Variants in CHODL observed in about 807,000 individuals in gnomAD.
The protein encoded by CHODL is transmembrane protein MT75.
In CHODL, 29 loss-of-function variants were observed where a neutral mutation model predicts 34.5. The observed-to-expected ratio is 0.84, with a 90% CI of 0.63 to 1.15. The LOEUF (loss-of-function observed/expected upper bound fraction) is 1.15. Ranked by LOEUF, CHODL falls within the 50% of genes most tolerant of loss-of-function variation. The probability of loss-of-function intolerance (pLI) is 0.00; values close to 1 mark genes in which losing one functional copy is unlikely to be tolerated. For synonymous variants in CHODL, 125 were observed against 116.1 expected (o/e 1.08, Z -0.49); for missense variants, 332 against 332.5 (o/e 1.00, Z 0.01).
At chr21:18,090,616 A>G (rs970303830) in intron 2 of CHODL, among the ~76,000 whole-genome samples, 29 of 152,022 alleles carry the variant, frequency 1.9e-4, no homozygotes, top group African/African-American at 6.8e-4. Context: ...AAAGTGGAGG[A>G]AGTCTGCCAC....
At chr21:18,090,925 A>G (rs1017855197) in intron 2 of CHODL, among the ~76,000 whole-genome samples, 2 of 152,176 alleles carry the variant, frequency 1.3e-5, no homozygotes, top group Non-Finnish European at 2.9e-5. Context: ...TTTTAACTTC[A>G]TATCATTAAA....
chr21:18,103,280 A>G (rs1311503163), intron 2 of CHODL, among the ~76,000 whole-genome samples: 3 of 152,158 alleles, frequency 2.0e-5, no homozygotes, highest in Non-Finnish European at 4.4e-5. Flanking sequence ...TTTGTCATTT[A>G]AAAAATAGTT....
chr21:18,135,181 A>G (rs2072706409), intron 2 of CHODL, among the ~76,000 whole-genome samples: 1 of 152,170 alleles, frequency 6.6e-6, no homozygotes, highest in Non-Finnish European at 1.5e-5. Flanking sequence ...ATTATTATAT[A>G]CGAGGAAAAT....
intron 2 of CHODL, among the ~76,000 whole-genome samples, chr21:18,110,148 A>G (rs191097931): frequency 6.3e-4 from 96 of 152,292 alleles, no homozygotes; most frequent in African/African-American, 1.7e-3. Flanking sequence ...ACTAGCTACA[A>G]ACATATTTAC....
chr21:18,104,082 T>C (rs897587015), intron 2 of CHODL, among the ~76,000 whole-genome samples: 1 of 152,194 alleles, frequency 6.6e-6, no homozygotes, highest in Non-Finnish European at 1.5e-5. Flanking sequence ...AAGGAAATCA[T>C]ATTTCCCAAT....
At chr21:17,960,192 G>A (rs895835773) in intron 1 of CHODL, among the ~76,000 whole-genome samples, 2 of 152,092 alleles carry the variant, frequency 1.3e-5, no homozygotes, top group African/African-American at 4.8e-5. Flanking sequence ...GCACACACTT[G>A]GTATCCAAGC....
intron 2 of CHODL, among the ~76,000 whole-genome samples, chr21:18,138,951 G>A (rs1011282199): frequency 5.3e-5 from 8 of 152,062 alleles, no homozygotes; most frequent in African/African-American, 1.7e-4. Flanking sequence ...GAACTCAAGT[G>A]CAGTTGCAGT....
At chr21:18,063,564 A>G (rs1354442568) in intron 2 of CHODL, among the ~76,000 whole-genome samples, 2 of 152,208 alleles carry the variant, frequency 1.3e-5, no homozygotes, top group African/African-American at 4.8e-5. Context: ...CCAGGCTCAT[A>G]CTGTTTGAGA....
intron 1 of CHODL, among the ~76,000 whole-genome samples, chr21:18,018,001 C>A (rs1157651775): frequency 1.3e-5 from 2 of 152,228 alleles, no homozygotes; most frequent in South Asian, 2.1e-4. Context: ...AATGGCTGCC[C>A]TGCTGGGTTT....
At chr21:17,996,152 T>C (rs2146394015) in intron 1 of CHODL, among the ~76,000 whole-genome samples, 1 of 152,194 alleles carries the variant, frequency 6.6e-6, no homozygotes, top group African/African-American at 2.4e-5. Context: ...TCAAATGCAG[T>C]CAGTTATATT....
At chr21:17,967,276 T>C (rs1001465743) in intron 1 of CHODL, among the ~76,000 whole-genome samples, 1 of 152,148 alleles carries the variant, frequency 6.6e-6, no homozygotes, top group Non-Finnish European at 1.5e-5. Context: ...GTCAAAAAAT[T>C]GGACTTGGAC....
intron 2 of CHODL, among the ~76,000 whole-genome samples, chr21:18,162,719 T>C (rs1351363238): frequency 6.6e-6 from 1 of 152,222 alleles, no homozygotes; most frequent in African/African-American, 2.4e-5. Context: ...TTATATACCA[T>C]ATATTCTTCT....
intron 1 of CHODL, 108 bp downstream of exon 1, chr21:18,245,410 A>G (rs1017840253): frequency 2.3e-5 from 20 of 870,754 alleles, no homozygotes; most frequent in Admixed American, 1.2e-4. Context: ...GGAAACCTGC[A>G]TGGTGTAAGG....
At chr21:18,131,681 C>T (rs1257374211) in intron 2 of CHODL, among the ~76,000 whole-genome samples, 3 of 152,112 alleles carry the variant, frequency 2.0e-5, no homozygotes, top group Non-Finnish European at 2.9e-5. Flanking sequence ...CTATATCATT[C>T]CTGGGTATGC....
chr21:18,260,317 A>G, intron 4 of CHODL, 31 bp downstream of exon 4: 1 of 1,369,724 alleles, frequency 7.3e-7, no homozygotes, highest in Non-Finnish European at 1.0e-6. Context: ...TAACTTCATC[A>G]AGAACTGAAC....
intron 2 of CHODL, among the ~76,000 whole-genome samples, chr21:18,044,523 T>G (rs1357907192): frequency 1.3e-5 from 2 of 151,942 alleles, no homozygotes; most frequent in East Asian, 3.9e-4. Context: ...ACCTACAAAT[T>G]TTGGAGTCAG....
intron 2 of CHODL, among the ~76,000 whole-genome samples, chr21:18,034,981 C>T (rs2064293125): frequency 6.6e-6 from 1 of 151,988 alleles, no homozygotes; most frequent in Admixed American, 6.6e-5. Flanking sequence ...GTGCATGACT[C>T]CAGACAGACC....
chr21:18,062,894 A>AGAAAGAGAGG (rs1455136542), intron 2 of CHODL, among the ~76,000 whole-genome samples: 1 of 152,158 alleles, frequency 6.6e-6, no homozygotes, highest in African/African-American at 2.4e-5. Context: ...AGAGAAAAGG[A>AGAAAGAGAGG]GAAAGAGAGG....
chr21:17,989,007 A>G (rs375747380), intron 1 of CHODL, among the ~76,000 whole-genome samples: 5 of 152,208 alleles, frequency 3.3e-5, no homozygotes, highest in African/African-American at 7.2e-5. Context: ...TACCCTGTAA[A>G]GGTTCAATGC....
Sources: allele counts gnomAD v4.1 joint callset (sites outside exome capture counted in the v4.1 genomes callset), GRCh38; gene constraint gnomAD v4.1.1; transcripts MANE v1.5; gene names NCBI Gene and HGNC (gene_info 2026-07-23, HGNC 2026-07-21).